The following DPH6 variants were observed in gnomAD, a reference collection of about 807,000 sequenced individuals.
The protein encoded by DPH6 is diphthamine biosynthesis 6, also known as diphthine--ammonia ligase.
A neutral mutation model predicts 38.2 loss-of-function variants in DPH6; 33 were observed. The observed-to-expected ratio is 0.86, with a 90% CI of 0.65 to 1.15. DPH6 has a LOEUF of 1.15. Among genes scored for constraint, DPH6 ranks in the 50% most tolerant of loss-of-function variants. The pLI is 0.00. For synonymous variants in DPH6, 108 were observed against 103.0 expected (o/e 1.05, Z -0.30); for missense variants, 325 against 320.0 (o/e 1.02, Z -0.12).
chr15:35,305,156 T>C (rs542653580), intron 3 of DPH6, among the ~76,000 whole-genome samples: 3 of 152,244 alleles, frequency 2.0e-5, no homozygotes, highest in African/African-American at 7.2e-5. Context: ...AGTAAACTTG[T>C]TGTCTCAAGT....
intron 3 of DPH6, among the ~76,000 whole-genome samples, chr15:35,323,328 G>C (rs1392162826): frequency 6.6e-6 from 1 of 151,970 alleles, no homozygotes; most frequent in African/African-American, 2.4e-5. Context: ...ACACATTTTT[G>C]GTTTTGTTTC....
At chr15:35,329,189 T>A (rs2052308388), downstream of DPH6, among the ~76,000 whole-genome samples, 1 of 152,156 alleles carries the variant, frequency 6.6e-6, no homozygotes, top group Admixed American at 6.5e-5. Context: ...AGCATGATAA[T>A]CTATAATACC....
chr15:35,229,507 A>G (rs951909835), intron 3 of DPH6, among the ~76,000 whole-genome samples: 2 of 152,062 alleles, frequency 1.3e-5, no homozygotes, highest in African/African-American at 4.8e-5. Context: ...TTCTGTCTGA[A>G]AGGTCACATA....
chr15:35,261,221 C>T (rs924685777), intron 3 of DPH6, among the ~76,000 whole-genome samples: 1 of 152,184 alleles, frequency 6.6e-6, no homozygotes, highest in South Asian at 2.1e-4. Context: ...TGATGCAGTA[C>T]AGCAATACAG....
At chr15:35,359,083 G>A (rs11632010) in intron 3 of DPH6, among the ~76,000 whole-genome samples, 39,750 of 151,748 alleles carry the variant, frequency 0.26, 5,379 homozygotes, top group South Asian at 0.38. Context: ...ATGGGGGTGA[G>A]ATTCTCAGGT....
intron 3 of DPH6, among the ~76,000 whole-genome samples, chr15:35,490,421 T>C (rs1321685637): frequency 6.6e-6 from 1 of 152,194 alleles, no homozygotes; most frequent in Admixed American, 6.6e-5. Context: ...TGTGACCACA[T>C]AAAGCCATAT....
At chr15:35,442,542 TGAATATATAGGTCCAAA>T (rs1595566348) in intron 5 of DPH6, among the ~76,000 whole-genome samples, 1 of 152,052 alleles carries the variant, frequency 6.6e-6, no homozygotes, top group East Asian at 1.9e-4. Context: ...CCAAGAGAAA[TGAATATATAGGTCCAAA>T]GAAAAACTTG....
the DPH6 span, among the ~76,000 whole-genome samples, chr15:35,171,308 T>A: frequency 1.3e-5 from 2 of 152,252 alleles, no homozygotes; most frequent in Non-Finnish European, 2.9e-5. Flanking sequence ...TGCCACTGCA[T>A]CACACTTGTG....
exon 4 of DPH6, chr15:35,218,571 A>G (rs1485469661): frequency 6.6e-6 from 1 of 152,238 alleles, no homozygotes; most frequent in Non-Finnish European, 1.5e-5. Flanking sequence ...CTTACTGATT[A>G]AGTTAGACAG....
At chr15:35,294,801 A>G (rs567443640) in intron 3 of DPH6, among the ~76,000 whole-genome samples, 6 of 152,332 alleles carry the variant, frequency 3.9e-5, no homozygotes, top group Middle Eastern at 3.4e-3. Flanking sequence ...GAGCTATAAG[A>G]ACTGGATCAG....
At chr15:35,546,097 G>T (rs777822195) in intron 1 of DPH6, 22 bp downstream of exon 1, 38 of 1,384,910 alleles carry the variant, frequency 2.7e-5, no homozygotes, top group Non-Finnish European at 3.5e-5. Flanking sequence ...GGAGGAAGGA[G>T]GCGGCTCCAG....
At chr15:35,324,596 C>G (rs977025287) in intron 3 of DPH6, among the ~76,000 whole-genome samples, 16 of 152,106 alleles carry the variant, frequency 1.1e-4, no homozygotes, top group Non-Finnish European at 1.9e-4. Context: ...CACTCAGGAC[C>G]AGGACATAAA....
exon 4 of DPH6, chr15:35,217,608 T>TC (rs1162493236): frequency 6.6e-6 from 1 of 152,320 alleles, no homozygotes; most frequent in African/African-American, 2.4e-5. Flanking sequence ...CGCCTTGGCC[T>TC]CCCAAAGTGC....
chr15:35,455,259 A>G (rs1013673424), intron 3 of DPH6, among the ~76,000 whole-genome samples: 8 of 151,982 alleles, frequency 5.3e-5, no homozygotes, highest in Non-Finnish European at 1.2e-4. Flanking sequence ...TAAATCTTAG[A>G]AAAAAAATGA....
At chr15:35,246,769 G>A (rs1037361072) in intron 3 of DPH6, among the ~76,000 whole-genome samples, 2 of 152,114 alleles carry the variant, frequency 1.3e-5, no homozygotes, top group East Asian at 1.9e-4. Flanking sequence ...TGGCTCAGAC[G>A]TGGGAAGCTT....
chr15:35,186,151 C>A, the DPH6 span, among the ~76,000 whole-genome samples: 2 of 152,002 alleles, frequency 1.3e-5, no homozygotes, highest in African/African-American at 4.8e-5. Flanking sequence ...AGCCATATAC[C>A]CTACTATAAC....
intron 3 of DPH6, chr15:35,490,120 G>A: frequency 3.0e-6 from 3 of 985,240 alleles, no homozygotes; most frequent in South Asian, 4.7e-5. Flanking sequence ...TTTTTCAACT[G>A]CACTTCAATC....
chr15:35,208,962 A>G, the DPH6 span, among the ~76,000 whole-genome samples: 4 of 152,276 alleles, frequency 2.6e-5, no homozygotes, highest in Admixed American at 2.0e-4. Flanking sequence ...GAAACAAGGT[A>G]TATCTTTTCA....
At chr15:35,516,336 T>A (rs12439055) in intron 3 of DPH6, among the ~76,000 whole-genome samples, 94,540 of 152,186 alleles carry the variant, frequency 0.62, 33,412 homozygotes, top group South Asian at 0.82. Context: ...AAAGTGTTTT[T>A]CTAGTGACAA....
Sources: allele counts gnomAD v4.1 joint callset (sites outside exome capture counted in the v4.1 genomes callset), GRCh38; gene constraint gnomAD v4.1.1; transcripts MANE v1.5; gene names NCBI Gene and HGNC (gene_info 2026-07-23, HGNC 2026-07-21).